EDIL3: variants seen among roughly 807,000 people sequenced by gnomAD.
EDIL3 encodes the protein EGF like and discoidin domains 3.
A neutral mutation model predicts 67.4 loss-of-function variants in EDIL3; 37 were observed. The observed-to-expected ratio is 0.55, with a 90% confidence interval of 0.42 to 0.72. The LOEUF (loss-of-function observed/expected upper bound fraction) is 0.72, where lower values mean the gene tolerates loss of function less well. EDIL3 is among the 30% of genes least tolerant of loss of function. The pLI is 0.00. For missense variants in EDIL3, 527 were observed against 586.3 expected, an observed-to-expected ratio of 0.90 and a Z score of 1.04; for synonymous variants, 195 against 196.3, an observed-to-expected ratio of 0.99 and a Z score of 0.05.
chr5:84,120,952 C>G (rs1353802309), intron 5 of EDIL3, among the ~76,000 whole-genome samples: 2 of 151,974 alleles, frequency 1.3e-5, no homozygotes, highest in Non-Finnish European at 2.9e-5. Context: ...AAGATTGCCA[C>G]TGAGTCCTCA....
At position 84,106,631 on chromosome 5, in the gene EDIL3, T is replaced by C. The variant is rs768584622; in HGVS notation, c.651+18A>G. ...AAAATGACTTATAACATTAACCTTG[T>C]CCCATCCCATCTGTTACCTGAATCC... On this transcript the variant is annotated intron_variant, in intron 6 of 10. Transcript: ENST00000296591. The C allele has an allele frequency of 3.2e-6, 5 of 1,585,952 alleles. No individual in the cohort carries two copies. The highest frequency in any genetic ancestry group is 4.3e-6 in the Non-Finnish European group (5 of 1,169,366).
chr5:84,366,382 C>G (rs2112206889), intron 1 of EDIL3, among the ~76,000 whole-genome samples: 1 of 152,138 alleles, frequency 6.6e-6, no homozygotes, highest in African/African-American at 2.4e-5. Context: ...TATTATTATC[C>G]CCGTTTTACA....
At chr5:84,198,534 C>T (rs1030823557) in intron 3 of EDIL3, among the ~76,000 whole-genome samples, 3 of 152,008 alleles carry the variant, frequency 2.0e-5, no homozygotes, top group East Asian at 1.9e-4. Flanking sequence ...TTGTTCTTGA[C>T]GTGATCAGAA....
At chr5:84,355,032 C>T (rs907244888) in intron 1 of EDIL3, among the ~76,000 whole-genome samples, 1 of 152,126 alleles carries the variant, frequency 6.6e-6, no homozygotes, top group African/African-American at 2.4e-5. Flanking sequence ...GTTGGCCTGT[C>T]TTGCTAGGCT....
chr5:84,204,347 C>T (rs1023014067), intron 3 of EDIL3, among the ~76,000 whole-genome samples: 1 of 152,124 alleles, frequency 6.6e-6, no homozygotes, highest in Non-Finnish European at 1.5e-5. Flanking sequence ...ACATTGTCTA[C>T]TCTGATTATA....
intron 1 of EDIL3, among the ~76,000 whole-genome samples, chr5:84,334,486 T>G (rs1746945892): frequency 6.6e-6 from 1 of 152,238 alleles, no homozygotes; most frequent in South Asian, 2.1e-4. Flanking sequence ...CCATATAGAA[T>G]TTTTTGTCAA....
At chr5:84,372,653 A>G (rs920912396) in intron 1 of EDIL3, among the ~76,000 whole-genome samples, 24 of 152,292 alleles carry the variant, frequency 1.6e-4, no homozygotes, top group African/African-American at 5.5e-4. Context: ...TAAGTGTGCT[A>G]CAGTGAAAAG....
At chr5:84,294,384 CA>C (rs1173407354) in intron 1 of EDIL3, among the ~76,000 whole-genome samples, 4,703 of 31,758 alleles carry the variant, frequency 0.15, 38 homozygotes, top group African/African-American at 0.25. Context: ...GACTCTGTCT[CA>C]AAAAAAAAAA....
intron 6 of EDIL3, among the ~76,000 whole-genome samples, chr5:84,068,014 A>G (rs1580309882): frequency 1.3e-5 from 2 of 152,308 alleles, no homozygotes; most frequent in South Asian, 4.1e-4. Context: ...TCCTCTTTGG[A>G]GGTTCAAAAA....
chr5:84,096,580 G>C (rs1229770154), intron 6 of EDIL3, among the ~76,000 whole-genome samples: 1 of 152,136 alleles, frequency 6.6e-6, no homozygotes, highest in Non-Finnish European at 1.5e-5. Flanking sequence ...AGTTGCTTTT[G>C]ATTTTATAGG....
At chr5:84,171,749 A>G (rs1296994099) in intron 4 of EDIL3, among the ~76,000 whole-genome samples, 1 of 152,156 alleles carries the variant, frequency 6.6e-6, no homozygotes, top group Non-Finnish European at 1.5e-5. Context: ...TGGTTCTAGA[A>G]CACTGATTTT....
At chr5:84,050,942 G>C (rs905538993) in intron 9 of EDIL3, among the ~76,000 whole-genome samples, 2 of 152,196 alleles carry the variant, frequency 1.3e-5, no homozygotes, top group African/African-American at 4.8e-5. Context: ...AAATGTCCCT[G>C]TCTGACAGCT....
At chr5:84,121,796 A>G (rs940935943) in intron 5 of EDIL3, among the ~76,000 whole-genome samples, 2 of 152,050 alleles carry the variant, frequency 1.3e-5, no homozygotes, top group African/African-American at 4.8e-5. Context: ...ATTCTGGGGT[A>G]CAAAAAGACT....
intron 3 of EDIL3, among the ~76,000 whole-genome samples, chr5:84,219,517 G>A (rs563186740): frequency 3.5e-4 from 53 of 152,292 alleles, no homozygotes; most frequent in African/African-American, 1.2e-3. Context: ...TGGTGGGAAT[G>A]TATTTATCAG....
chr5:84,373,355 T>A (rs778193529), intron 1 of EDIL3, among the ~76,000 whole-genome samples: 1 of 152,174 alleles, frequency 6.6e-6, no homozygotes, highest in African/African-American at 2.4e-5. Flanking sequence ...ATAACTTCTA[T>A]AGCCATACTC....
chr5:84,032,938 C>G (rs1276935828), intron 9 of EDIL3, among the ~76,000 whole-genome samples: 1 of 152,132 alleles, frequency 6.6e-6, no homozygotes, highest in East Asian at 1.9e-4. Flanking sequence ...CAGGGACTTC[C>G]AAGAAGTTTG....
intron 5 of EDIL3, among the ~76,000 whole-genome samples, chr5:84,123,411 A>G (rs1408682033): frequency 6.6e-5 from 10 of 152,014 alleles, no homozygotes; most frequent in Non-Finnish European, 1.3e-4. Context: ...ATAAGCAAAT[A>G]CCAATTAAAC....
intron 5 of EDIL3, among the ~76,000 whole-genome samples, chr5:84,133,349 G>A (rs779865615): frequency 2.6e-5 from 4 of 151,296 alleles, no homozygotes; most frequent in South Asian, 2.1e-4. Flanking sequence ...GGGTCTGCGC[G>A]CAGTAGCTCA....
At chr5:84,133,011 G>A (rs553393172) in intron 5 of EDIL3, among the ~76,000 whole-genome samples, 2 of 152,104 alleles carry the variant, frequency 1.3e-5, no homozygotes, top group African/African-American at 4.8e-5. Flanking sequence ...CCAAAGTAGT[G>A]CCAGTGATAA....
Sources: allele counts gnomAD v4.1 joint callset (sites outside exome capture counted in the v4.1 genomes callset), GRCh38; gene constraint gnomAD v4.1.1; transcripts MANE v1.5; gene names NCBI Gene and HGNC (gene_info 2026-07-23, HGNC 2026-07-21).